SIRT5: variants seen among roughly 807,000 people sequenced by gnomAD.
SIRT5 encodes the protein NAD-dependent protein deacylase sirtuin-5, mitochondrial.
A neutral mutation model predicts 40.0 loss-of-function variants in SIRT5; 26 were observed. The observed-to-expected ratio is 0.65, with a 90% confidence interval of 0.48 to 0.90. The LOEUF is 0.90. Ranked by LOEUF, SIRT5 falls within the 40% of genes least tolerant of loss-of-function variation. SIRT5 has a pLI of 0.00. For missense variants in SIRT5, 401 were observed against 402.4 expected, an observed-to-expected ratio of 1.00 and a Z score of 0.03; for synonymous variants, 146 against 149.1, an observed-to-expected ratio of 0.98 and a Z score of 0.15.
At chr6:13,583,289 C>CTTTTTTTTTTTTTTTTTTTTTTTTTTT (rs765557886) in intron 2 of SIRT5, among the ~76,000 whole-genome samples, 1 of 100,536 alleles carries the variant, frequency 9.9e-6, no homozygotes, top group African/African-American at 4.0e-5. Context: ...CTTCTTTGTT[C>CTTTTTTTTTTTTTTTTTTTTTTTTTTT]TTTTTTTTTT....
At chr6:13,601,839 A>T (rs1319858562) in intron 9 of SIRT5, among the ~76,000 whole-genome samples, 3 of 142,934 alleles carry the variant, frequency 2.1e-5, no homozygotes, top group African/African-American at 5.1e-5. Flanking sequence ...GCTGGGATTT[A>T]AAAAAAAAAA....
Position 13,611,996 on chromosome 6 carries a change from C to A in SIRT5, c.*131C>A. On this transcript the variant is annotated 3_prime_UTR_variant, in exon 10 of 10. Transcript: ENST00000606117. ...AGCCTCTGATTCCCTCGCTGGAATCCAACCTGTTGATAAGTGATGGGGGTT... is the reference window on the plus strand; with the variant it reads ...AGCCTCTGATTCCCTCGCTGGAATCAAACCTGTTGATAAGTGATGGGGGTT... 2.6e-6 allele frequency: 2 copies of A among 783,812 alleles called. No homozygotes were observed. Among genetic ancestry groups the A allele is most frequent in the Non-Finnish European group, 4.1e-6 (2 of 484,548 alleles). The allele number at this position is 783,812 out of a possible 1,614,324, so 48.6% of individuals were successfully genotyped here. A position where few individuals can be genotyped will look rare whatever the true frequency, so the allele number is the denominator to read the frequency against.
chr6:13,596,481 A>G (rs1584806134), intron 6 of SIRT5, among the ~76,000 whole-genome samples: 1 of 151,704 alleles, frequency 6.6e-6, no homozygotes, highest in African/African-American at 2.4e-5. Context: ...TGGCAGTACA[A>G]CCACTGGTGA....
intron 2 of SIRT5, 75 bp from the exon 3 acceptor site, chr6:13,584,001 A>G (rs1225669219): frequency 5.0e-6 from 3 of 602,112 alleles, no homozygotes; most frequent in Non-Finnish European, 8.5e-6. Context: ...AAATATAAAT[A>G]TTTATACATA....
intron 4 of SIRT5, among the ~76,000 whole-genome samples, chr6:13,590,226 C>T (rs1760663982): frequency 6.6e-6 from 1 of 152,070 alleles, no homozygotes; most frequent in African/African-American, 2.4e-5. Context: ...GCGTAACACC[C>T]CCACCTCCAC....
intron 4 of SIRT5, among the ~76,000 whole-genome samples, chr6:13,588,803 T>G (rs1290439969): frequency 1.3e-5 from 2 of 152,226 alleles, no homozygotes; most frequent in Non-Finnish European, 2.9e-5. Flanking sequence ...CACATAAAGT[T>G]TCTGTGAACT....
chr6:13,598,558 G>A lies in SIRT5; in HGVS notation c.618-474G>A, dbSNP rs554836395. ...AAATAAGGACAGTTCTGCAGGGCGC[G>A]GTGGCTCATGCCTGTAATCCCAGCA... On this transcript the variant is annotated intron_variant, in intron 7 of 9. Transcript: ENST00000606117. Among the ~76,000 whole-genome samples the A allele has an allele frequency of 2.2e-4, 34 of 152,082 alleles. 1 individual carries two copies. Among genetic ancestry groups the A allele is most frequent in the Non-Finnish European group, 4.0e-4 (27 of 68,012 alleles).
At chr6:13,597,340 A>G (rs1013135915) in intron 7 of SIRT5, among the ~76,000 whole-genome samples, 2 of 151,870 alleles carry the variant, frequency 1.3e-5, no homozygotes, top group African/African-American at 4.8e-5. Flanking sequence ...AACTGGTCAA[A>G]TAACATCACT....
chr6:13,606,290 C>T (rs1403214817), intron 9 of SIRT5, among the ~76,000 whole-genome samples: 1 of 152,090 alleles, frequency 6.6e-6, no homozygotes, highest in East Asian at 1.9e-4. Flanking sequence ...GTGAGGAAGT[C>T]CCAGGAGAGG....
chr6:13,600,456 GT>G (rs1762226933), intron 8 of SIRT5, among the ~76,000 whole-genome samples: 1 of 152,116 alleles, frequency 6.6e-6, no homozygotes, highest in South Asian at 2.1e-4. Flanking sequence ...TGATATGTAT[GT>G]TTTTTTCTTC....
intron 8 of SIRT5, 122 bp from the exon 9 acceptor site, chr6:13,600,712 T>G (rs1317816734): frequency 1.5e-6 from 1 of 655,014 alleles, no homozygotes; most frequent in Non-Finnish European, 2.7e-6. Flanking sequence ...TATCCCATCC[T>G]GTTTGGCTTT....
chr6:13,611,963 C>A lies in SIRT5; in HGVS notation c.*98C>A. ...GGTGGTGAGCTGAGTACTGAACAAT[C>A]TAAAAATAGCCTCTGATTCCCTCGC... On this transcript the variant is annotated 3_prime_UTR_variant, in exon 10 of 10. Transcript: ENST00000606117. 1.8e-6 allele frequency: 2 copies of A among 1,117,432 alleles called. No homozygotes were observed. Among genetic ancestry groups the A allele is most frequent in the Non-Finnish European group, 2.6e-6 (2 of 766,570 alleles). The allele number at this position is 1,117,432 out of a possible 1,614,324, so 69.2% of individuals were successfully genotyped here. A position where few individuals can be genotyped will look rare whatever the true frequency, so the allele number is the denominator to read the frequency against.
Position 13,588,421 on chromosome 6 carries a change from C to A in SIRT5, c.206C>A (p.Thr69Asn), listed in dbSNP as rs754393399. Residue 69 changes from threonine (T) to asparagine (N), a missense_variant, in exon 4 of 10, where the codon ACC becomes AAC. Coordinates refer to ENST00000606117, the MANE Select transcript of SIRT5 (RefSeq NM_012241.5). ...GTTAGTGCAGAAAGTGGTGTTCCGACCTTCAGAGGAGCTGGAGGTTATTGG... is the reference window on the plus strand; with the variant it reads ...GTTAGTGCAGAAAGTGGTGTTCCGAACTTCAGAGGAGCTGGAGGTTATTGG... ...AGVSAESGVP[T>N]FRGAGGYWRK... 3 of 1,614,068 alleles carry A rather than the reference C, an allele frequency of 1.9e-6. No homozygotes were observed. In the Admixed American group the frequency reaches 5.0e-5, roughly 27 times the overall value.
intron 9 of SIRT5, among the ~76,000 whole-genome samples, chr6:13,610,396 CCT>C (rs990741520): frequency 2.6e-5 from 4 of 152,134 alleles, no homozygotes; most frequent in Non-Finnish European, 4.4e-5. Flanking sequence ...CCTTTCCGAC[CCT>C]CTTTCAACTT....
intron 9 of SIRT5, among the ~76,000 whole-genome samples, chr6:13,611,041 C>CT (rs1273998202): frequency 6.6e-6 from 1 of 151,448 alleles, no homozygotes; most frequent in African/African-American, 2.4e-5. Flanking sequence ...TCCTCTTTCT[C>CT]TTTTTTCTAA....
intron 4 of SIRT5, among the ~76,000 whole-genome samples, chr6:13,590,009 G>A (rs1025922810): frequency 7.9e-5 from 12 of 152,276 alleles, no homozygotes; most frequent in Admixed American, 2.0e-4. Flanking sequence ...AACCTCTCAC[G>A]TGGCAAAGGC....
At chr6:13,592,705 C>T (rs1478701224) in intron 5 of SIRT5, among the ~76,000 whole-genome samples, 7 of 152,168 alleles carry the variant, frequency 4.6e-5, no homozygotes, top group Admixed American at 4.6e-4. Context: ...TTCCTCTGTC[C>T]TGGGTAACCC....
chr6:13,579,100 G>A (rs1216523842), intron 1 of SIRT5, among the ~76,000 whole-genome samples: 2 of 152,176 alleles, frequency 1.3e-5, no homozygotes, highest in South Asian at 4.1e-4. Flanking sequence ...TTTGAACAGG[G>A]TTGTAACCTT....
chr6:13,590,050 C>T (rs532171236), intron 4 of SIRT5, among the ~76,000 whole-genome samples: 4 of 152,064 alleles, frequency 2.6e-5, no homozygotes, highest in Admixed American at 2.0e-4. Flanking sequence ...GGGGCCTTTA[C>T]GGTAGAATGA....
Sources: gnomAD v4.1 joint callset for allele counts (sites outside exome capture counted in the v4.1 genomes callset) on GRCh38, gnomAD v4.1.1 for gene constraint, MANE v1.5 for transcripts, NCBI Gene and HGNC (gene_info 2026-07-23, HGNC 2026-07-21) for gene names.